CSNK1G1: variants seen among roughly 807,000 people sequenced by gnomAD.
CSNK1G1 encodes casein kinase I isoform gamma-1.
A neutral mutation model predicts 59.6 loss-of-function variants in CSNK1G1; 22 were observed. The observed-to-expected ratio is 0.37, with a 90% CI of 0.26 to 0.53. The LOEUF is 0.53. Ranked by LOEUF, CSNK1G1 falls within the 20% of genes least tolerant of loss-of-function variation. The pLI, the probability that CSNK1G1 is intolerant of heterozygous loss-of-function variation, is 0.89. For synonymous variants in CSNK1G1, 179 were observed against 177.1 expected (o/e 1.01, Z -0.08); for missense variants, 384 against 519.5 (o/e 0.74, Z 2.54).
intron 4 of CSNK1G1, among the ~76,000 whole-genome samples, chr15:64,238,101 G>C (rs865820656): frequency 1.7e-4 from 26 of 152,126 alleles, no homozygotes; most frequent in Admixed American, 7.2e-4. Flanking sequence ...AAATTAGGGG[G>C]CATCATGTGA....
chr15:64,333,257 CAAAAAAAAAAAAAAA>C (rs60857897), intron 1 of CSNK1G1, among the ~76,000 whole-genome samples: 1 of 16,502 alleles, frequency 6.1e-5, no homozygotes, highest in Non-Finnish European at 9.5e-5. Flanking sequence ...GACTCCATCT[CAAAAAAAAAAAAAAA>C]AAAAAAAAAA....
Position 64,300,524 on chromosome 15 carries a change from T to C in CSNK1G1, c.-25A>G, listed in dbSNP as rs368461643. On this transcript the variant is annotated 5_prime_UTR_variant, in exon 2 of 12. Transcript: ENST00000303052. ...TGATCCTACAGGACAGAGTCTCCTATAGTACAGCAAGTAGCTTCAGTATGT... is the reference window on the plus strand; with the variant it reads ...TGATCCTACAGGACAGAGTCTCCTACAGTACAGCAAGTAGCTTCAGTATGT... The C allele has an allele frequency of 3.9e-5, 63 of 1,603,162 alleles. No individual in the cohort carries two copies. The African/African-American group carries it at 6.3e-4, about 16-fold the overall frequency.
intron 3 of CSNK1G1, among the ~76,000 whole-genome samples, chr15:64,253,915 G>A (rs1212209397): frequency 6.6e-6 from 1 of 152,112 alleles, no homozygotes; most frequent in Non-Finnish European, 1.5e-5. Context: ...TGAGGCGGGT[G>A]GATTGCCTGA....
intron 1 of CSNK1G1, among the ~76,000 whole-genome samples, chr15:64,301,290 G>T (rs377476227): frequency 6.6e-6 from 1 of 151,464 alleles, no homozygotes; most frequent in Non-Finnish European, 1.5e-5. Flanking sequence ...ACTTTTGGTG[G>T]TTTTTGCTGT....
At chr15:64,254,134 C>T (rs918740045) in intron 3 of CSNK1G1, among the ~76,000 whole-genome samples, 6 of 151,334 alleles carry the variant, frequency 4.0e-5, no homozygotes, top group Non-Finnish European at 8.8e-5. Flanking sequence ...AGCAAGACTC[C>T]GTCTCCAAAA....
chr15:64,278,093 T>G (rs2140361345), intron 2 of CSNK1G1, among the ~76,000 whole-genome samples: 1 of 150,726 alleles, frequency 6.6e-6, no homozygotes, highest in South Asian at 2.1e-4. Context: ...TTGCCCAGGC[T>G]GGAGTGCAGT....
At chr15:64,307,229 G>A (rs549733434) in intron 1 of CSNK1G1, among the ~76,000 whole-genome samples, 29 of 152,118 alleles carry the variant, frequency 1.9e-4, no homozygotes, top group African/African-American at 6.7e-4. Flanking sequence ...AGGGGAAAAC[G>A]GGGGTGGAGG....
intron 2 of CSNK1G1, among the ~76,000 whole-genome samples, chr15:64,269,800 G>A (rs1391781039): frequency 6.6e-6 from 1 of 150,468 alleles, no homozygotes; most frequent in Non-Finnish European, 1.5e-5. Context: ...GGCCTCTGAT[G>A]GCTATTTTTA....
intron 7 of CSNK1G1, among the ~76,000 whole-genome samples, chr15:64,207,089 G>A (rs1567373549): frequency 6.6e-6 from 1 of 152,100 alleles, no homozygotes; most frequent in African/African-American, 2.4e-5. Context: ...AGCCTGGGAG[G>A]AAATGAGGGA....
At chr15:64,259,266 G>A in intron 2 of CSNK1G1, 25 bp from the exon 3 acceptor site, 1 of 1,553,882 alleles carries the variant, frequency 6.4e-7, no homozygotes, top group South Asian at 1.2e-5. Context: ...GAATGTATAT[G>A]TTTTAGTGAC....
intron 10 of CSNK1G1, among the ~76,000 whole-genome samples, chr15:64,191,693 A>G (rs909766226): frequency 2.0e-5 from 3 of 152,232 alleles, no homozygotes; most frequent in African/African-American, 7.2e-5. Flanking sequence ...AGATAAATAG[A>G]AAACTAATGT....
At chr15:64,295,218 CAATT>C (rs1894956626) in intron 2 of CSNK1G1, among the ~76,000 whole-genome samples, 2 of 152,282 alleles carry the variant, frequency 1.3e-5, no homozygotes, top group South Asian at 2.1e-4. Flanking sequence ...TTTACTATCT[CAATT>C]AACTCATTTA....
At chr15:64,215,622 A>G (rs1325521572) in intron 5 of CSNK1G1, among the ~76,000 whole-genome samples, 1 of 152,198 alleles carries the variant, frequency 6.6e-6, no homozygotes, top group Non-Finnish European at 1.5e-5. Flanking sequence ...ACAGTGGGAG[A>G]GACCATTACC....
intron 1 of CSNK1G1, among the ~76,000 whole-genome samples, chr15:64,323,426 C>A (rs186901519): frequency 6.6e-6 from 1 of 151,692 alleles, no homozygotes; most frequent in East Asian, 1.9e-4. Context: ...AGTGCAATGG[C>A]GCAATCTCGG....
Position 64,314,208 on chromosome 15 carries a change from A to G in CSNK1G1, c.-224-13485T>C, listed in dbSNP as rs186408108. On this transcript the variant is annotated intron_variant, in intron 1 of 11. Transcript: ENST00000303052. ...CACAGTGCAATGCAGCCTTGAACAC[A>G]TGGGTTCAACAGATTCTCCCACCCC... 4.8e-3 allele frequency among the ~76,000 whole-genome samples: 738 copies of G among 152,276 alleles called. 2 individuals carry two copies. Among genetic ancestry groups the G allele is most frequent in the Non-Finnish European group, 8.1e-3 (553 of 68,020 alleles).
intron 4 of CSNK1G1, among the ~76,000 whole-genome samples, chr15:64,251,217 A>G (rs1464937455): frequency 6.6e-6 from 1 of 152,208 alleles, no homozygotes; most frequent in East Asian, 1.9e-4. Flanking sequence ...TAAGTAAAGA[A>G]AAGAGAATGA....
chr15:64,195,514 A>G (rs1212805084), intron 10 of CSNK1G1, among the ~76,000 whole-genome samples: 1 of 152,264 alleles, frequency 6.6e-6, no homozygotes, highest in Admixed American at 6.5e-5. Context: ...GCATGCACAT[A>G]GTAGTCAATG....
chr15:64,337,625 C>G (rs139452851), intron 1 of CSNK1G1, among the ~76,000 whole-genome samples: 43 of 152,244 alleles, frequency 2.8e-4, no homozygotes, highest in African/African-American at 9.9e-4. Flanking sequence ...GTGAACCCAC[C>G]TGGCTTTGTT....
chr15:64,340,238 G>A (rs1274291992), intron 1 of CSNK1G1, among the ~76,000 whole-genome samples: 1 of 152,162 alleles, frequency 6.6e-6, no homozygotes, highest in Non-Finnish European at 1.5e-5. Context: ...AACTATATCT[G>A]CAAATAGTAG....
Sources: gnomAD v4.1 joint callset for allele counts (sites outside exome capture counted in the v4.1 genomes callset) on GRCh38, gnomAD v4.1.1 for gene constraint, MANE v1.5 for transcripts, NCBI Gene and HGNC (gene_info 2026-07-23, HGNC 2026-07-21) for gene names.